Variants in IQCH observed in about 807,000 individuals in gnomAD.
IQCH encodes the protein IQ domain-containing protein H.
A neutral mutation model predicts 117.0 loss-of-function variants in IQCH; 98 were observed. The ratio of observed to expected loss-of-function variants is 0.84; its 90% confidence interval spans 0.71 to 0.99. IQCH has a LOEUF of 0.99. Among genes scored for constraint, IQCH ranks in the 50% least tolerant of loss-of-function variants. The pLI is 0.00. For missense variants in IQCH, 1,102 were observed against 1,243.8 expected (o/e 0.89, Z 1.72); for synonymous variants, 412 against 448.2 (o/e 0.92, Z 1.02).
chr15:67,317,960 C>A (rs1019411414), intron 4 of IQCH, among the ~76,000 whole-genome samples: 1 of 152,096 alleles, frequency 6.6e-6, no homozygotes, highest in Non-Finnish European at 1.5e-5. Flanking sequence ...GAAGTGAACC[C>A]AAGGCCCAGG....
At chr15:67,267,766 G>C (rs1455683539) in intron 3 of IQCH, among the ~76,000 whole-genome samples, 5 of 152,174 alleles carry the variant, frequency 3.3e-5, no homozygotes, top group Non-Finnish European at 1.5e-5. Context: ...ACATTGTTTA[G>C]ATATGGGGCT....
intron 4 of IQCH, chr15:67,307,042 A>G: frequency 1.5e-6 from 2 of 1,307,438 alleles, no homozygotes; most frequent in Non-Finnish European, 1.9e-6. Flanking sequence ...TTATGAATGC[A>G]TAACAAAATA....
intron 8 of IQCH, among the ~76,000 whole-genome samples, chr15:67,367,564 T>G (rs1018560637): frequency 6.6e-6 from 1 of 152,082 alleles, no homozygotes; most frequent in Non-Finnish European, 1.5e-5. Flanking sequence ...TCGTTCAGTT[T>G]TTTTAAAAGA....
At chr15:67,360,177 A>G in intron 8 of IQCH, 1 of 357,826 alleles carries the variant, frequency 2.8e-6, no homozygotes, top group East Asian at 5.2e-5. Context: ...TCAATCTTCA[A>G]ATTCAATCAA....
intron 4 of IQCH, among the ~76,000 whole-genome samples, chr15:67,290,113 T>G (rs776554269): frequency 6.6e-6 from 1 of 152,092 alleles, no homozygotes; most frequent in Admixed American, 6.6e-5. Flanking sequence ...ATTGTCTTAT[T>G]TGGTCCACGT....
At chr15:67,335,054 T>TA (rs1555454273) in intron 4 of IQCH, among the ~76,000 whole-genome samples, 2 of 151,420 alleles carry the variant, frequency 1.3e-5, no homozygotes, top group African/African-American at 4.8e-5. Flanking sequence ...CTCCAACACA[T>TA]ACACACACAC....
At chr15:67,321,143 T>G (rs998633842) in intron 4 of IQCH, among the ~76,000 whole-genome samples, 4 of 152,174 alleles carry the variant, frequency 2.6e-5, no homozygotes, top group Non-Finnish European at 4.4e-5. Flanking sequence ...TTACCATAAG[T>G]TACTGTTTTT....
intron 10 of IQCH, among the ~76,000 whole-genome samples, chr15:67,380,000 G>C (rs1170366776): frequency 1.3e-5 from 2 of 152,124 alleles, no homozygotes; most frequent in Non-Finnish European, 2.9e-5. Flanking sequence ...TTACAGGCAT[G>C]TGCCACCACG....
At position 67,445,174 on chromosome 15, in the gene IQCH, A is replaced by G. The variant is rs1205716677; in HGVS notation, c.2506-19953A>G. ...GTCGTTGAACATCTGTTACTAGTAC[A>G]GTCTAACACAGCACTTAAAATCCTT... On this transcript the variant is annotated intron_variant, in intron 16 of 20. Transcript: ENST00000335894. The surrounding 1 kb of genome is among the most constrained non-coding windows in gnomAD (Gnocchi z 4.3). 6.6e-6 allele frequency among the ~76,000 whole-genome samples: 1 copy of G among 152,184 alleles called. No individual in the cohort carries two copies. Among genetic ancestry groups the G allele is most frequent in the African/African-American group, 2.4e-5 (1 of 41,446 alleles).
At position 67,342,918 on chromosome 15, in the gene IQCH, G is replaced by T. The variant is rs1361838172; in HGVS notation, c.509-1145G>T. The stretch of plus-strand genomic sequence containing the variant: ...CTGTCCTCAGAAGTTTGGACAGGTT[G>T]AGTTGGGGCCCAGGCATCTCCGCTT... On this transcript the variant is annotated intron_variant, in intron 5 of 20. Coordinates refer to ENST00000335894, the MANE Select transcript of IQCH (RefSeq NM_001031715.3). This position sits in a 1 kb window ranked among gnomAD's most constrained non-coding sequence, Gnocchi z 4.7. Among the ~76,000 whole-genome samples the T allele has an allele frequency of 6.6e-6, 1 of 152,108 alleles. No homozygotes were observed. The highest frequency in any genetic ancestry group is 2.4e-5 in the African/African-American group (1 of 41,434).
intron 16 of IQCH, among the ~76,000 whole-genome samples, chr15:67,434,567 G>A (rs989221275): frequency 5.3e-5 from 8 of 152,142 alleles, no homozygotes; most frequent in African/African-American, 9.7e-5. Context: ...CAATGGACAC[G>A]GCAGTGCAGA....
chr15:67,385,078 A>G lies in IQCH; in HGVS notation c.1456+59A>G, dbSNP rs987111143. 1.9e-6 allele frequency: 2 copies of G among 1,067,282 alleles called. No individual in the cohort carries two copies. The allele number at this position is 1,067,282 out of a possible 1,614,324, so 66.1% of individuals were successfully genotyped here. A position where few individuals can be genotyped will look rare whatever the true frequency, so the allele number is the denominator to read the frequency against. On this transcript the variant is annotated intron_variant, in intron 11 of 20. Coordinates refer to ENST00000335894, the MANE Select transcript of IQCH (RefSeq NM_001031715.3). This position sits in a 1 kb window ranked among gnomAD's most constrained non-coding sequence, Gnocchi z 4.6. ...GGAATGTTTATCAGTGGATGTTGAT[A>G]GAATGTGTTGTTTTGTTTGTTTGTT...
intron 5 of IQCH, among the ~76,000 whole-genome samples, chr15:67,341,902 A>G (rs561826776): frequency 6.6e-6 from 1 of 152,344 alleles, no homozygotes. Context: ...ATAATTAGTG[A>G]CATTCTTATC....
chr15:67,475,214 C>T lies in IQCH; in HGVS notation c.2677-482C>T, dbSNP rs927071383. ...ATGTAGGGCCAGGTGTGGTGGCTCACGCCGGTAATTCCAGCATTTTGGGAG... is the reference window on the plus strand; with the variant it reads ...ATGTAGGGCCAGGTGTGGTGGCTCATGCCGGTAATTCCAGCATTTTGGGAG... On this transcript the variant is annotated intron_variant, in intron 17 of 20. Coordinates refer to ENST00000335894, the MANE Select transcript of IQCH (RefSeq NM_001031715.3). The surrounding 1 kb of genome is among the most constrained non-coding windows in gnomAD (Gnocchi z 5.7). Among the ~76,000 whole-genome samples, 2 of 152,292 alleles carry T rather than the reference C, an allele frequency of 1.3e-5. No individual in the cohort carries two copies. The highest frequency in any genetic ancestry group is 6.5e-5 in the Admixed American group (1 of 15,296).
intron 7 of IQCH, 50 bp downstream of exon 7, chr15:67,357,471 T>C: frequency 8.6e-7 from 1 of 1,160,020 alleles, no homozygotes; most frequent in Non-Finnish European, 1.3e-6. Flanking sequence ...TTTACAGCAC[T>C]TTCTGTGAGA....
intron 4 of IQCH, chr15:67,282,273 G>A (rs1217516403): frequency 6.6e-6 from 1 of 151,814 alleles, no homozygotes; most frequent in East Asian, 1.9e-4. Flanking sequence ...TTAGATGGAG[G>A]TATCTGATTT....
At chr15:67,442,281 G>A (rs1408669071) in intron 16 of IQCH, among the ~76,000 whole-genome samples, 7 of 151,882 alleles carry the variant, frequency 4.6e-5, no homozygotes, top group East Asian at 1.9e-4. Context: ...ATGGTGGTGC[G>A]TGCCTGTAAT....
chr15:67,420,771 T>A (rs1346462252), intron 15 of IQCH, among the ~76,000 whole-genome samples: 2 of 152,236 alleles, frequency 1.3e-5, no homozygotes, highest in Non-Finnish European at 2.9e-5. Context: ...TTTTTAAAAA[T>A]GTTTTATAAC....
chr15:67,419,277 A>G (rs2081660822), intron 15 of IQCH, among the ~76,000 whole-genome samples: 1 of 152,214 alleles, frequency 6.6e-6, no homozygotes, highest in South Asian at 2.1e-4. Flanking sequence ...ATTTTAGTAC[A>G]TTTAAAAAAC....
Sources: allele counts gnomAD v4.1 joint callset (sites outside exome capture counted in the v4.1 genomes callset), GRCh38; gene constraint gnomAD v4.1.1; non-coding constraint Gnocchi (gnomAD v3.1); transcripts MANE v1.5; gene names NCBI Gene and HGNC (gene_info 2026-07-23, HGNC 2026-07-21).